Variants in UBR4 observed in about 807,000 individuals in gnomAD.
The protein encoded by UBR4 is E3 ubiquitin-protein ligase UBR4.
A neutral mutation model predicts 575.6 loss-of-function variants in UBR4; 124 were observed. The ratio of observed to expected loss-of-function variants is 0.22; its 90% confidence interval spans 0.19 to 0.25. The LOEUF (loss-of-function observed/expected upper bound fraction) is 0.25, where lower values mean the gene tolerates loss of function less well. UBR4 is among the 10% of genes least tolerant of loss of function. The pLI is 1.00. For missense variants in UBR4, 4,818 were observed against 6,478.8 expected (o/e 0.74, Z 8.80); for synonymous variants, 2,455 against 2,473.7 (o/e 0.99, Z 0.22).
chr1:19,165,487 ACC>A, intron 30 of UBR4, 138 bp from the exon 31 acceptor site: 1 of 1,033,670 alleles, frequency 9.7e-7, no homozygotes, highest in Non-Finnish European at 1.4e-6. Flanking sequence ...CATGAAATTA[ACC>A]CCCTCACCAA....
At position 19,198,715 on chromosome 1, in the gene UBR4, A is replaced by G. The variant is rs111400480; in HGVS notation, c.509-35T>C. ...ACAAAGGCAAAAAAAAGGGCTGAGG[A>G]AAGTGCCACTAGAAGGCAAAGGTGC... On this transcript the variant is annotated intron_variant, in intron 4 of 105. Transcript: ENST00000375254. 1.6e-3 allele frequency: 2,619 copies of G among 1,612,958 alleles called. 37 individuals carry two copies. The African/African-American group carries it at 0.031, about 19-fold the overall frequency.
At chr1:19,172,185 A>AT (rs1006633041) in intron 25 of UBR4, among the ~76,000 whole-genome samples, 226 of 149,192 alleles carry the variant, frequency 1.5e-3, no homozygotes, top group African/African-American at 4.9e-3. Context: ...TCATTTAGAG[A>AT]TTTTTTTTTT....
intron 53 of UBR4, 61 bp from the exon 54 acceptor site, chr1:19,144,968 T>C: frequency 6.2e-7 from 1 of 1,600,744 alleles, no homozygotes; most frequent in Non-Finnish European, 8.5e-7. Flanking sequence ...TACTTGAGAG[T>C]CTGAGACAAA....
chr1:19,085,838 C>A (rs1426735612), intron 101 of UBR4, among the ~76,000 whole-genome samples: 1 of 152,098 alleles, frequency 6.6e-6, no homozygotes, highest in Non-Finnish European at 1.5e-5. Flanking sequence ...CCAAGTTGGC[C>A]CCACATCTTC....
intron 90 of UBR4, 51 bp from the exon 91 acceptor site, chr1:19,097,331 G>A (rs1306528639): frequency 6.5e-7 from 1 of 1,538,510 alleles, no homozygotes; most frequent in Non-Finnish European, 8.9e-7. Flanking sequence ...CCAGACAAAT[G>A]CAAAGGACTC....
chr1:19,111,309 CT>C (rs1274866617), intron 78 of UBR4, among the ~76,000 whole-genome samples: 3 of 152,208 alleles, frequency 2.0e-5, no homozygotes, highest in African/African-American at 7.2e-5. Flanking sequence ...TCCCAACATA[CT>C]GAATAAGCCC....
At chr1:19,170,731 A>G (rs766366575) in intron 26 of UBR4, 31 bp downstream of exon 26, 2 of 1,614,020 alleles carry the variant, frequency 1.2e-6, no homozygotes, top group African/African-American at 1.3e-5. Flanking sequence ...TGTTGTAATA[A>G]TATTACTCAA....
intron 68 of UBR4, among the ~76,000 whole-genome samples, 200 bp from the exon 69 acceptor site, chr1:19,120,548 C>T (rs535542477): frequency 3.3e-5 from 5 of 152,316 alleles, no homozygotes; most frequent in South Asian, 2.1e-4. Flanking sequence ...ATATGTGTAA[C>T]GTTGGTGATG....
In UBR4 at chr1:19,192,305, G is replaced by GA; in HGVS notation, c.1276_1277insT (p.Pro426LeufsTer6). On this transcript the variant is annotated frameshift_variant, in exon 11 of 106. Coordinates refer to ENST00000375254, the MANE Select transcript of UBR4 (RefSeq NM_020765.3). LOFTEE classifies it high-confidence loss of function. ...TTTCCCCTTATCAGCCAACGCAGTA[G>GA]GACTGAGGTTCAGTATGAGGAAAAG... 6.2e-7 allele frequency: 1 copy of GA among 1,613,936 alleles called. No homozygotes were observed. The highest frequency in any genetic ancestry group is 1.3e-5 in the African/African-American group (1 of 74,876).
intron 100 of UBR4, 34 bp downstream of exon 100, chr1:19,086,645 C>T (rs779067461): frequency 6.2e-7 from 1 of 1,609,264 alleles, no homozygotes; most frequent in African/African-American, 1.3e-5. Flanking sequence ...GGCAGGCCTA[C>T]TGAAGGAGCC....
chr1:19,125,721 CAA>C (rs2081659339), intron 64 of UBR4: 1 of 152,172 alleles, frequency 6.6e-6, no homozygotes, highest in African/African-American at 2.4e-5. Context: ...GGAAAACCAC[CAA>C]AGAGTCATGA....
intron 38 of UBR4, among the ~76,000 whole-genome samples, chr1:19,160,515 T>C (rs754061237): frequency 5.3e-5 from 8 of 152,252 alleles, no homozygotes; most frequent in Middle Eastern, 3.4e-3. Context: ...CACATAGATA[T>C]CCTAATGCGC....
chr1:19,150,664 A>G lies in UBR4; in HGVS notation c.7343T>C (p.Ile2448Thr), dbSNP rs1557799546. The G allele has an allele frequency of 3.7e-6, 6 of 1,614,120 alleles. No individual in the cohort carries two copies. The highest frequency in any genetic ancestry group is 2.2e-5 in the East Asian group (1 of 44,866). Residue 2448 changes from isoleucine to threonine, a missense_variant, in exon 49 of 106, where the codon ATC becomes ACC. Ile to Thr is a moderately conservative substitution (Grantham distance 89, BLOSUM62 -1). Coordinates refer to ENST00000375254, the MANE Select transcript of UBR4 (RefSeq NM_020765.3). ...GCTCTGGTTCAGATTTGAAGGGCAG[A>G]TGTTGCTGACAGAGGCAGAAGGGAA... ...EEFPSASVSN[I>T]CPSNLNQSNG...
intron 73 of UBR4, among the ~76,000 whole-genome samples, chr1:19,116,456 C>A (rs2080539437): frequency 6.6e-6 from 1 of 152,208 alleles, no homozygotes. Context: ...GAAGAGAAAA[C>A]CTCCCTAGGC....
At chr1:19,148,435 G>T in intron 50 of UBR4, 128 bp downstream of exon 50, 3 of 1,249,146 alleles carry the variant, frequency 2.4e-6, no homozygotes, top group South Asian at 2.7e-5. Flanking sequence ...CTTCTCTGGA[G>T]CTTCTTAGCA....
intron 62 of UBR4, 127 bp downstream of exon 62, chr1:19,128,084 A>C (rs1313731894): frequency 9.8e-6 from 9 of 914,374 alleles, no homozygotes; most frequent in Non-Finnish European, 7.0e-6. Context: ...TTGACTCAAC[A>C]GAATGCAGCC....
rs1416073230 is a variant in UBR4 at position 19,093,360 on chromosome 1, G to A, written c.14064C>T (p.Thr4688=). 5 of 1,614,062 alleles carry A rather than the reference G, an allele frequency of 3.1e-6. No homozygotes were observed. The highest frequency in any genetic ancestry group is 1.3e-5 in the African/African-American group (1 of 74,948). Residue 4688 remains threonine, a synonymous_variant, in exon 96 of 106, where the codon ACC becomes ACT. Transcript: ENST00000375254. The surrounding 1 kb of genome is among the most constrained non-coding windows in gnomAD (Gnocchi z 4.8). ...LKDLILQKGI[T]QNALDYMKKH... ...TTTTCATGTAGTCAAGTGCATTCTGGGTGATCCCCTTCTGGAGAATCAGAT... is the reference window on the plus strand; with the variant it reads ...TTTTCATGTAGTCAAGTGCATTCTGAGTGATCCCCTTCTGGAGAATCAGAT...
At chr1:19,198,360 G>A (rs1411718749) in intron 5 of UBR4, among the ~76,000 whole-genome samples, 181 bp downstream of exon 5, 1 of 152,198 alleles carries the variant, frequency 6.6e-6, no homozygotes, top group Admixed American at 6.5e-5. Context: ...AATAACCGTG[G>A]ACAGAAGAAG....
rs1374773070 is a variant in UBR4 at position 19,198,931 on chromosome 1, GA to G, written c.379-4del. The G allele has an allele frequency of 6.8e-6, 11 of 1,610,382 alleles. No individual in the cohort carries two copies. Among genetic ancestry groups the G allele is most frequent in the Non-Finnish European group, 9.3e-6 (11 of 1,178,904 alleles). ...TTGATTAGGAGAATCAAGTGTTTCT[GA>G]AAAGAAAACAAATGCAAACAAAAGA... On this transcript the variant is annotated splice_polypyrimidine_tract_variant and splice_region_variant and intron_variant, in intron 3 of 105. Coordinates refer to ENST00000375254, the MANE Select transcript of UBR4 (RefSeq NM_020765.3).
Sources: gnomAD v4.1 joint callset for allele counts (sites outside exome capture counted in the v4.1 genomes callset) on GRCh38, gnomAD v4.1.1 for gene constraint, Gnocchi (gnomAD v3.1) non-coding constraint, MANE v1.5 for transcripts, NCBI Gene and HGNC (gene_info 2026-07-23, HGNC 2026-07-21) for gene names.